CD99L2: variants seen among roughly 807,000 people sequenced by gnomAD.
CD99L2 encodes CD99 molecule like 2.
CD99L2 carries 24 observed loss-of-function variants against 27.3 expected under a neutral mutation model. The ratio of observed to expected loss-of-function variants is 0.88; its 90% CI spans 0.64 to 1.24. The LOEUF is 1.24. Among genes scored for constraint, CD99L2 ranks in the 50% most tolerant of loss-of-function variants. The pLI, the probability that CD99L2 is intolerant of heterozygous loss-of-function variation, is 0.00. For missense variants in CD99L2, 255 were observed against 221.6 expected, an observed-to-expected ratio of 1.15 and a Z score of -0.96; for synonymous variants, 97 against 87.9, an observed-to-expected ratio of 1.10 and a Z score of -0.58.
rs148872828 is a variant in CD99L2, at chrX:150,894,641, G to A, written c.67+3881C>T. On this transcript the variant is annotated intron_variant, in intron 1 of 10. Transcript: ENST00000370377. ...CTCACTCTGTCACCCAGGCTGAAGT[G>A]CAGTGGTGCGATCTTGGCTCATTGC... is the stretch of plus-strand genomic sequence containing the variant. Among the ~76,000 whole-genome samples the A allele has an allele frequency of 7.4e-3, 814 of 110,678 alleles. 4 individuals carry two copies. Among genetic ancestry groups the A allele is most frequent in the African/African-American group, 0.026 (775 of 30,385 alleles).
At chrX:150,824,557 GA>G (rs2046329067) in intron 2 of CD99L2, among the ~76,000 whole-genome samples, 1 of 83,667 alleles carries the variant, frequency 1.2e-5, no homozygotes, top group Non-Finnish European at 2.4e-5. Flanking sequence ...GGAAGAAGAA[GA>G]AAGAAGGAGG....
Position 150,790,713 on chromosome X carries a change from A to G in CD99L2, c.496+2978T>C, listed in dbSNP as rs529273319. The stretch of plus-strand genomic sequence containing the variant: ...TGTCTCACTGTCAGAGAGGAAAGTT[A>G]TAGGTAAGTGAGAAAGGAAGATCGA... On this transcript the variant is annotated intron_variant, in intron 7 of 10. Transcript: ENST00000370377. Among the ~76,000 whole-genome samples, 5 of 111,963 alleles carry G rather than the reference A, an allele frequency of 4.5e-5. No homozygotes were observed. In the South Asian group the frequency reaches 1.9e-3, roughly 42 times the overall value.
chrX:150,884,620 T>C (rs1023845162), intron 1 of CD99L2, among the ~76,000 whole-genome samples: 4 of 110,674 alleles, frequency 3.6e-5, no homozygotes, highest in African/African-American at 6.6e-5. Flanking sequence ...GAAGTGGAGG[T>C]TGCAGTGAGC....
chrX:150,896,170 C>T (rs781970057), intron 1 of CD99L2, among the ~76,000 whole-genome samples: 69 of 111,410 alleles, frequency 6.2e-4, no homozygotes, highest in Non-Finnish European at 8.5e-4. Flanking sequence ...GAGGCCGAGG[C>T]GGGCGGATCA....
intron 1 of CD99L2, among the ~76,000 whole-genome samples, chrX:150,883,835 A>T (rs1390235190): frequency 1.8e-5 from 2 of 112,412 alleles, no homozygotes; most frequent in East Asian, 5.5e-4. Flanking sequence ...GAGGAAACCA[A>T]ACTGGAAGAT....
intron 1 of CD99L2, among the ~76,000 whole-genome samples, chrX:150,851,392 G>C (rs1705246346): frequency 8.9e-6 from 1 of 112,060 alleles, no homozygotes; most frequent in African/African-American, 3.2e-5. Context: ...AGCTGGCATG[G>C]TGCCGATGAG....
At chrX:150,822,191 A>C (rs1051397904) in intron 2 of CD99L2, among the ~76,000 whole-genome samples, 3 of 112,406 alleles carry the variant, frequency 2.7e-5, no homozygotes, top group Non-Finnish European at 5.6e-5. Context: ...TTAGCCATAA[A>C]AAGGAATGAA....
rs892312126 is a variant in CD99L2 at position 150,776,374 on chromosome X, T to C, written c.536-81A>G. On this transcript the variant is annotated intron_variant, in intron 8 of 10. Transcript: ENST00000370377. ...AGGGAGCAGCCTGGGAGCCTGCTTC[T>C]CCTCTAGCACCAAACTACTAGACGC... is the stretch of plus-strand genomic sequence containing the variant. The C allele has an allele frequency of 6.6e-6, 7 of 1,067,897 alleles. No homozygotes were observed. In the African/African-American group the frequency reaches 1.3e-4, roughly 20 times the overall value. The allele number at this position is 1,067,897 out of a possible 1,213,427, so 88.0% of individuals were successfully genotyped here. A position where few individuals can be genotyped will look rare whatever the true frequency, so the allele number is the denominator to read the frequency against.
At chrX:150,878,429 G>C (rs782550766) in intron 1 of CD99L2, among the ~76,000 whole-genome samples, 7 of 107,491 alleles carry the variant, frequency 6.5e-5, no homozygotes, top group African/African-American at 2.0e-4. Flanking sequence ...GAATAAGTCT[G>C]ACAAGCAATG....
intron 1 of CD99L2, among the ~76,000 whole-genome samples, chrX:150,840,883 G>A (rs2046614035): frequency 9.1e-6 from 1 of 110,102 alleles, no homozygotes; most frequent in Non-Finnish European, 1.9e-5. Context: ...TATATTGGGG[G>A]TGGGGGTGAT....
intron 1 of CD99L2, among the ~76,000 whole-genome samples, chrX:150,844,678 A>G (rs2046673744): frequency 8.9e-6 from 1 of 112,225 alleles, no homozygotes; most frequent in Non-Finnish European, 1.9e-5. Flanking sequence ...TCTTATTCTG[A>G]TTACTAAATG....
intron 6 of CD99L2, 88 bp downstream of exon 6, chrX:150,795,118 G>A (rs1267909171): frequency 7.4e-5 from 78 of 1,051,211 alleles, no homozygotes; most frequent in Non-Finnish European, 8.9e-5. Flanking sequence ...GTGGCTTGAA[G>A]TGCCTCCAGC....
chrX:150,789,343 C>T (rs1431830238), intron 7 of CD99L2, among the ~76,000 whole-genome samples: 3 of 110,772 alleles, frequency 2.7e-5, no homozygotes, highest in African/African-American at 9.8e-5. Context: ...AGGATGGTCT[C>T]GATCCCCTGA....
Position 150,768,232 on chromosome X carries a change from T to C in CD99L2, c.*802A>G, listed in dbSNP as rs1657236092. 2 of 111,920 alleles carry C rather than the reference T, an allele frequency of 1.8e-5. No homozygotes were observed. Among genetic ancestry groups the C allele is most frequent in the South Asian group, 7.4e-4 (2 of 2,712 alleles). The allele number at this position is 111,920 out of a possible 1,213,427, so 9.2% of individuals were successfully genotyped here. On this transcript the variant is annotated 3_prime_UTR_variant, in exon 11 of 11. Coordinates refer to ENST00000370377, the MANE Select transcript of CD99L2 (RefSeq NM_031462.4). ...TCCCCAACACAGGATAAAACTCATC[T>C]CCGGTGCAGAAATGATTGCTAAAGA...
chrX:150,867,440 A>AG (rs2047079605), intron 1 of CD99L2, among the ~76,000 whole-genome samples: 1 of 110,267 alleles, frequency 9.1e-6, no homozygotes, highest in Admixed American at 9.6e-5. Context: ...CATATTCATG[A>AG]GGCATATAGT....
intron 4 of CD99L2, among the ~76,000 whole-genome samples, chrX:150,813,146 C>CG (rs782640588): frequency 3.6e-5 from 4 of 111,126 alleles, no homozygotes; most frequent in African/African-American, 1.3e-4. Context: ...CTTATGGTGA[C>CG]GGAACTGTTT....
chrX:150,832,739 T>G (rs1374343065), intron 1 of CD99L2, among the ~76,000 whole-genome samples: 1 of 110,690 alleles, frequency 9.0e-6, no homozygotes, highest in Non-Finnish European at 1.9e-5. Context: ...CATGATCTTA[T>G]GTGTAGAAAA....
At chrX:150,773,415 A>G (rs2043496095) in intron 9 of CD99L2, among the ~76,000 whole-genome samples, 1 of 113,060 alleles carries the variant, frequency 8.8e-6, no homozygotes, top group South Asian at 3.6e-4. Flanking sequence ...ACAGACCTGT[A>G]GTTTAAATAG....
chrX:150,769,587 GCCCCTCC>G (rs2043377924), intron 10 of CD99L2, among the ~76,000 whole-genome samples: 1 of 111,750 alleles, frequency 8.9e-6, no homozygotes, highest in South Asian at 3.7e-4. Flanking sequence ...CACAGGCTGA[GCCCCTCC>G]TGGTCTCCCA....
Sources: allele counts gnomAD v4.1 joint callset (sites outside exome capture counted in the v4.1 genomes callset), GRCh38; gene constraint gnomAD v4.1.1; transcripts MANE v1.5; gene names NCBI Gene and HGNC (gene_info 2026-07-23, HGNC 2026-07-21).